Variants in BRINP3 observed in about 807,000 individuals in gnomAD.
The protein encoded by BRINP3 is BMP/retinoic acid inducible neural specific 3, also known as BMP/retinoic acid-inducible neural-specific protein 3.
Under a neutral mutation model 71.0 loss-of-function variants are expected in BRINP3, and 19 were observed. The observed-to-expected ratio is 0.27, with a 90% CI of 0.19 to 0.39. The LOEUF (loss-of-function observed/expected upper bound fraction) is 0.39. Among genes scored for constraint, BRINP3 ranks in the 10% least tolerant of loss-of-function variants. The probability of loss-of-function intolerance (pLI) is 1.00; values close to 1 mark genes in which losing one functional copy is unlikely to be tolerated. For synonymous variants in BRINP3, 380 were observed against 337.7 expected (o/e 1.13, Z -1.37); for missense variants, 959 against 940.8 (o/e 1.02, Z -0.25).
intron 2 of BRINP3, among the ~76,000 whole-genome samples, chr1:190,363,667 T>C (rs1449736215): frequency 6.6e-6 from 1 of 152,128 alleles, no homozygotes; most frequent in African/African-American, 2.4e-5. Flanking sequence ...AATGTTGCTA[T>C]TGATCATGTA....
chr1:190,436,044 G>C (rs548914293), intron 2 of BRINP3, among the ~76,000 whole-genome samples: 2 of 151,978 alleles, frequency 1.3e-5, no homozygotes, highest in Admixed American at 6.6e-5. Flanking sequence ...CCATCTGTTT[G>C]TGAATTCACT....
At chr1:190,399,725 T>G (rs1424956458) in intron 2 of BRINP3, among the ~76,000 whole-genome samples, 2 of 152,062 alleles carry the variant, frequency 1.3e-5, no homozygotes, top group African/African-American at 4.8e-5. Flanking sequence ...GTAAATGGCC[T>G]CCTTGTTATG....
At chr1:190,402,474 T>A (rs1305705394) in intron 2 of BRINP3, among the ~76,000 whole-genome samples, 2 of 152,182 alleles carry the variant, frequency 1.3e-5, no homozygotes, top group African/African-American at 2.4e-5. Context: ...AATCATTCTA[T>A]CAGGCTGTCT....
chr1:190,239,719 T>A (rs1658870745), intron 4 of BRINP3, among the ~76,000 whole-genome samples: 1 of 152,046 alleles, frequency 6.6e-6, no homozygotes, highest in Non-Finnish European at 1.5e-5. Flanking sequence ...ATCATCTATA[T>A]CTATATTTAC....
At chr1:190,370,382 A>G (rs976362742) in intron 2 of BRINP3, among the ~76,000 whole-genome samples, 5 of 152,210 alleles carry the variant, frequency 3.3e-5, no homozygotes, top group African/African-American at 9.6e-5. Flanking sequence ...ATAATTTTCC[A>G]GAAAAGAAAG....
chr1:190,459,339 T>C (rs1267815198), intron 1 of BRINP3, among the ~76,000 whole-genome samples: 1 of 151,802 alleles, frequency 6.6e-6, no homozygotes, highest in East Asian at 1.9e-4. Flanking sequence ...TATTCTTTCT[T>C]ACTAGCTGTC....
intron 7 of BRINP3, among the ~76,000 whole-genome samples, chr1:190,107,899 A>T (rs533495865): frequency 6.6e-6 from 1 of 152,108 alleles, no homozygotes; most frequent in East Asian, 1.9e-4. Context: ...GAAAATAATA[A>T]TCTGATTTCT....
chr1:190,164,555 C>T (rs1651310861), intron 6 of BRINP3, among the ~76,000 whole-genome samples: 1 of 151,922 alleles, frequency 6.6e-6, no homozygotes, highest in Non-Finnish European at 1.5e-5. Flanking sequence ...ATTATCAATA[C>T]ACCAAGTACA....
chr1:190,457,415 G>T (rs1410324110), intron 1 of BRINP3, among the ~76,000 whole-genome samples: 2 of 152,000 alleles, frequency 1.3e-5, no homozygotes, highest in African/African-American at 4.8e-5. Context: ...CTGCACTCCA[G>T]CCTGGGTAAC....
At chr1:190,317,189 A>C (rs1665944302) in intron 2 of BRINP3, among the ~76,000 whole-genome samples, 1 of 151,322 alleles carries the variant, frequency 6.6e-6, no homozygotes, top group Non-Finnish European at 1.5e-5. Context: ...AAAAAAAAAA[A>C]AAAGTCTCTA....
chr1:190,464,169 T>C (rs1219736963), intron 1 of BRINP3, among the ~76,000 whole-genome samples: 1 of 151,256 alleles, frequency 6.6e-6, no homozygotes, highest in Non-Finnish European at 1.5e-5. Context: ...AAACTAAAAG[T>C]TAGTGATAAT....
At chr1:190,465,338 CA>C (rs1371233664) in intron 1 of BRINP3, among the ~76,000 whole-genome samples, 1 of 151,888 alleles carries the variant, frequency 6.6e-6, no homozygotes, top group African/African-American at 2.4e-5. Flanking sequence ...AACGCTTTGA[CA>C]AAGACTCTTT....
intron 2 of BRINP3, among the ~76,000 whole-genome samples, chr1:190,383,161 G>T (rs1670659630): frequency 6.6e-6 from 1 of 152,050 alleles, no homozygotes; most frequent in African/African-American, 2.4e-5. Flanking sequence ...CTTTGTATGA[G>T]ATCGTTAACA....
intron 2 of BRINP3, among the ~76,000 whole-genome samples, chr1:190,416,368 C>T (rs763330778): frequency 2.8e-4 from 42 of 152,022 alleles, no homozygotes; most frequent in Admixed American, 5.9e-4. Context: ...GCTTATATGA[C>T]CCCCTTGCCA....
chr1:190,457,220 T>A (rs1247536043), intron 1 of BRINP3, among the ~76,000 whole-genome samples: 1 of 152,124 alleles, frequency 6.6e-6, no homozygotes, highest in Non-Finnish European at 1.5e-5. Context: ...GGAGGGCGGA[T>A]CACCTGAGGT....
chr1:190,452,306 G>T (rs1207033816), intron 2 of BRINP3, among the ~76,000 whole-genome samples: 3 of 152,190 alleles, frequency 2.0e-5, no homozygotes, highest in South Asian at 2.1e-4. Flanking sequence ...ATGTTTAAAT[G>T]GTTTTATAAG....
At chr1:190,388,874 T>A (rs915791728) in intron 2 of BRINP3, among the ~76,000 whole-genome samples, 1 of 151,784 alleles carries the variant, frequency 6.6e-6, no homozygotes, top group Non-Finnish European at 1.5e-5. Flanking sequence ...TATGAAGATG[T>A]AAATACAGAA....
intron 2 of BRINP3, among the ~76,000 whole-genome samples, chr1:190,447,620 CTCTA>C (rs924462083): frequency 8.2e-5 from 12 of 146,132 alleles, no homozygotes; most frequent in Admixed American, 4.8e-4. Flanking sequence ...CTCTCTCTCT[CTCTA>C]TATATATATA....
At chr1:190,240,314 G>GT (rs1437482536) in intron 4 of BRINP3, among the ~76,000 whole-genome samples, 1 of 151,802 alleles carries the variant, frequency 6.6e-6, no homozygotes, top group East Asian at 1.9e-4. Flanking sequence ...GCTTTTTAGA[G>GT]TATTTTCAAA....
Sources: gnomAD v4.1 joint callset for allele counts (sites outside exome capture counted in the v4.1 genomes callset) on GRCh38, gnomAD v4.1.1 for gene constraint, MANE v1.5 for transcripts, NCBI Gene and HGNC (gene_info 2026-07-23, HGNC 2026-07-21) for gene names.